Variants in CLNK observed in about 807,000 individuals in gnomAD.
CLNK encodes the protein cytokine-dependent hematopoietic cell linker.
A neutral mutation model predicts 68.6 loss-of-function variants in CLNK; 74 were observed. The ratio of observed to expected loss-of-function variants is 1.08; its 90% CI spans 0.89 to 1.31. The LOEUF (loss-of-function observed/expected upper bound fraction) is 1.31, where lower values mean the gene tolerates loss of function less well. CLNK is among the 50% of genes most tolerant of loss of function. The pLI is 0.00. For synonymous variants in CLNK, 198 were observed against 172.2 expected (o/e 1.15, Z -1.17); for missense variants, 553 against 515.3 (o/e 1.07, Z -0.71).
At chr4:10,714,260 T>C in the CLNK span, among the ~76,000 whole-genome samples, 1 of 152,220 alleles carries the variant, frequency 6.6e-6, no homozygotes, top group Non-Finnish European at 1.5e-5. Flanking sequence ...AGCAAGATTA[T>C]ACTTGTGACT....
Position 10,513,473 on chromosome 4 carries a change from A to G in CLNK, c.897T>C (p.Ser299=), listed in dbSNP as rs374176008. The G allele has an allele frequency of 1.7e-4, 279 of 1,611,438 alleles. No homozygotes were observed. The highest frequency in any genetic ancestry group is 2.2e-4 in the Non-Finnish European group (260 of 1,178,878). Residue 299 remains serine, a synonymous_variant, in exon 16 of 19, where the codon TCT becomes TCC. Coordinates refer to ENST00000226951, the MANE Select transcript of CLNK (RefSeq NM_052964.4). Reference sequence around the variant, plus strand: ...AGAAGTGTCTGCTTACCTTTCTATCAGACCTTTTGGGGAAAGGTGGTCTCC... The same window carrying G: ...AGAAGTGTCTGCTTACCTTTCTATCGGACCTTTTGGGGAAAGGTGGTCTCC... The part of the protein sequence containing the change: ...TSWRPPFPKR[S]DRKDVQHNEW...
At chr4:10,537,300 A>G (rs888196674) in intron 11 of CLNK, among the ~76,000 whole-genome samples, 1 of 152,128 alleles carries the variant, frequency 6.6e-6, no homozygotes, top group Non-Finnish European at 1.5e-5. Context: ...CAACATGGTA[A>G]AACCTCATCT....
intron 11 of CLNK, among the ~76,000 whole-genome samples, chr4:10,537,115 G>A (rs1239629956): frequency 5.3e-5 from 8 of 152,162 alleles, no homozygotes; most frequent in African/African-American, 1.9e-4. Flanking sequence ...AGATACTGGG[G>A]ATAGTGCTTT....
rs547933749 is a variant in CLNK at position 10,671,115 on chromosome 4, G to A, written c.-42-3204C>T. On this transcript the variant is annotated intron_variant, in intron 1 of 18. Coordinates refer to ENST00000226951, the MANE Select transcript of CLNK (RefSeq NM_052964.4). ...AAAGCAGAATTTGAGGCCAGATGCA[G>A]TGGCTCACACCTGTAATCCCAACAT... Among the ~76,000 whole-genome samples, 22 of 152,266 alleles carry A rather than the reference G, an allele frequency of 1.4e-4. 2 individuals are homozygous for A. In the South Asian group the frequency reaches 3.7e-3, roughly 26 times the overall value.
At chr4:10,588,123 G>A (rs1006719393) in intron 3 of CLNK, among the ~76,000 whole-genome samples, 1 of 152,186 alleles carries the variant, frequency 6.6e-6, no homozygotes, top group Non-Finnish European at 1.5e-5. Flanking sequence ...TTTTGTGATT[G>A]TGTACAGTGA....
the CLNK span, among the ~76,000 whole-genome samples, chr4:10,714,059 A>G: frequency 7.2e-5 from 11 of 152,196 alleles, no homozygotes; most frequent in Non-Finnish European, 1.5e-4. Flanking sequence ...AAGCCTAGAC[A>G]GGCAGATATT....
chr4:10,674,531 G>A (rs2108898667), intron 1 of CLNK, among the ~76,000 whole-genome samples: 1 of 152,244 alleles, frequency 6.6e-6, no homozygotes, highest in South Asian at 2.1e-4. Flanking sequence ...TATTAACCCT[G>A]ACCTGGAACT....
At chr4:10,639,475 A>G (rs1723225036) in intron 2 of CLNK, among the ~76,000 whole-genome samples, 1 of 152,122 alleles carries the variant, frequency 6.6e-6, no homozygotes, top group African/African-American at 2.4e-5. Flanking sequence ...GGCATGAGAC[A>G]CCCCTATGAG....
chr4:10,722,546 C>T, the CLNK span, among the ~76,000 whole-genome samples: 136 of 152,328 alleles, frequency 8.9e-4, no homozygotes, highest in African/African-American at 3.1e-3. Flanking sequence ...ATGACCTGCT[C>T]TTCTCTGCTC....
intron 2 of CLNK, among the ~76,000 whole-genome samples, chr4:10,626,043 A>C (rs1260903283): frequency 6.6e-6 from 1 of 152,178 alleles, no homozygotes; most frequent in African/African-American, 2.4e-5. Flanking sequence ...ATCTTGGGGG[A>C]CATCCTTCAC....
intron 1 of CLNK, among the ~76,000 whole-genome samples, chr4:10,677,324 G>T (rs950681275): frequency 6.6e-5 from 10 of 152,204 alleles, no homozygotes; most frequent in African/African-American, 2.4e-4. Context: ...TTAAGCACCT[G>T]ATGTATGCTG....
At chr4:10,521,832 C>A (rs1718079310) in intron 14 of CLNK, among the ~76,000 whole-genome samples, 1 of 152,006 alleles carries the variant, frequency 6.6e-6, no homozygotes, top group Non-Finnish European at 1.5e-5. Context: ...TAGGGAATAG[C>A]AAAATTTCTC....
chr4:10,611,431 G>A (rs1722012444), intron 2 of CLNK, among the ~76,000 whole-genome samples: 1 of 150,830 alleles, frequency 6.6e-6, no homozygotes, highest in African/African-American at 2.4e-5. Context: ...CTGGGAGGTG[G>A]AGGTTGCAGT....
At chr4:10,600,832 G>A (rs1455937333) in intron 2 of CLNK, among the ~76,000 whole-genome samples, 1 of 152,132 alleles carries the variant, frequency 6.6e-6, no homozygotes, top group African/African-American at 2.4e-5. Flanking sequence ...CATGTCTCTA[G>A]GTTATTGGCA....
chr4:10,501,810 C>T (rs1454756926), intron 17 of CLNK, among the ~76,000 whole-genome samples: 5 of 152,122 alleles, frequency 3.3e-5, no homozygotes, highest in African/African-American at 4.8e-5. Context: ...GCCTGTAATC[C>T]CAGCTACTCA....
chr4:10,521,879 AAGAAT>A (rs1718081674), intron 14 of CLNK, among the ~76,000 whole-genome samples: 1 of 152,240 alleles, frequency 6.6e-6, no homozygotes, highest in African/African-American at 2.4e-5. Flanking sequence ...AAATGTTGAA[AAGAAT>A]AGAAATATCC....
intron 12 of CLNK, chr4:10,531,398 A>G (rs1718532281): frequency 6.5e-6 from 1 of 154,016 alleles, no homozygotes; most frequent in South Asian, 2.0e-4. Flanking sequence ...TTGCACAGAA[A>G]TGTACCCATC....
the CLNK span, among the ~76,000 whole-genome samples, chr4:10,721,141 G>A: frequency 6.6e-6 from 1 of 151,594 alleles, no homozygotes; most frequent in Admixed American, 6.6e-5. Flanking sequence ...GAACAGACAG[G>A]TGGTTGCCAG....
chr4:10,601,714 T>C (rs1435992551), intron 2 of CLNK, among the ~76,000 whole-genome samples: 1 of 152,196 alleles, frequency 6.6e-6, no homozygotes, highest in Admixed American at 6.5e-5. Context: ...GTCTCCTAAG[T>C]AGATGCACAT....
Sources: allele counts gnomAD v4.1 joint callset (sites outside exome capture counted in the v4.1 genomes callset), GRCh38; gene constraint gnomAD v4.1.1; transcripts MANE v1.5; gene names NCBI Gene and HGNC (gene_info 2026-07-23, HGNC 2026-07-21).